EPHB6: variants seen among roughly 807,000 people sequenced by gnomAD.
EPHB6 encodes EPH receptor B6, also known as ephrin type-B receptor 6.
EPHB6 carries 51 observed loss-of-function variants against 107.0 expected under a neutral mutation model. The observed-to-expected ratio is 0.48, with a 90% CI of 0.38 to 0.60. The LOEUF (loss-of-function observed/expected upper bound fraction) is 0.60, where lower values mean the gene tolerates loss of function less well. EPHB6 is among the 20% of genes least tolerant of loss of function. EPHB6 has a pLI of 0.00. For synonymous variants in EPHB6, 553 were observed against 549.0 expected, an observed-to-expected ratio of 1.01 and a Z score of -0.10; for missense variants, 1,141 against 1,355.5, an observed-to-expected ratio of 0.84 and a Z score of 2.48.
Position 142,869,141 on chromosome 7 carries a change from T to C in EPHB6, c.2454T>C (p.Ser818=). Residue 818 remains serine (S), a synonymous_variant, in exon 16 of 20, where the codon AGT becomes AGC. Coordinates refer to ENST00000652003, the MANE Select transcript of EPHB6 (RefSeq NM_004445.6). This position sits in a 1 kb window ranked among gnomAD's most constrained non-coding sequence, Gnocchi z 4.5. The part of the protein sequence containing the change: ...LVCKVARLGH[S]PQGPSCLLRW... The stretch of plus-strand genomic sequence containing the variant: ...GCAAGGTGGCCCGTCTTGGCCACAG[T>C]CCTCAGGTGAGAGCACAGCCTTGGG... 1 of 1,612,842 alleles carries C rather than the reference T, an allele frequency of 6.2e-7. No individual in the cohort carries two copies. The highest frequency in any genetic ancestry group is 1.1e-5 in the South Asian group (1 of 91,076).
rs2116467543 is a variant in EPHB6 at position 142,868,356 on chromosome 7, G to A, written c.2034G>A (p.Gly678=). 2.5e-6 allele frequency: 4 copies of A among 1,614,152 alleles called. No homozygotes were observed. The highest frequency in any genetic ancestry group is 3.4e-6 in the Non-Finnish European group (4 of 1,180,010). Residue 678 remains glycine, a synonymous_variant, in exon 14 of 20, where the codon GGG becomes GGA. Coordinates refer to ENST00000652003, the MANE Select transcript of EPHB6 (RefSeq NM_004445.6). The surrounding 1 kb of genome is among the most constrained non-coding windows in gnomAD (Gnocchi z 4.2). ...PAYIKIEEVI[G]TGSFGEVRQG... ...ATATCAAGATTGAGGAGGTCATTGG[G>A]ACAGGTACAGCAGGGCCAAAGCAGG... is the stretch of plus-strand genomic sequence containing the variant.
chr7:142,869,405 C>G lies in EPHB6; in HGVS notation c.2460+258C>G, dbSNP rs1221505084. ...TCTAGAACTACCTCCTGCCCTTCCC[C>G]CATTGTGGAGATTACACAGACTCCA... is the stretch of plus-strand genomic sequence containing the variant. On this transcript the variant is annotated intron_variant, in intron 16 of 19. Transcript: ENST00000652003. The surrounding 1 kb of genome is among the most constrained non-coding windows in gnomAD (Gnocchi z 4.5). Among the ~76,000 whole-genome samples the G allele has an allele frequency of 1.3e-5, 2 of 152,268 alleles. No homozygotes were observed. Among genetic ancestry groups the G allele is most frequent in the South Asian group, 2.1e-4 (1 of 4,818 alleles).
rs1318896157 is a variant in EPHB6, at chr7:142,869,232, G to A, written c.2460+85G>A. The A allele has an allele frequency of 6.7e-7, 1 of 1,489,302 alleles. No individual in the cohort carries two copies. Among genetic ancestry groups the A allele is most frequent in the African/African-American group, 1.4e-5 (1 of 72,744 alleles). 92.3% of individuals were successfully genotyped at this position (1,489,302 alleles called of 1,614,324 possible). On this transcript the variant is annotated intron_variant, in intron 16 of 19. Coordinates refer to ENST00000652003, the MANE Select transcript of EPHB6 (RefSeq NM_004445.6). The surrounding 1 kb of genome is among the most constrained non-coding windows in gnomAD (Gnocchi z 4.5). ...GGGGTCGGGGGTGAGCTGGAATCTG[G>A]GGTAGGTACCTCAGCCGGGGTGTCA...
intron 5 of EPHB6, 46 bp downstream of exon 5, chr7:142,863,373 C>G (rs1299507889): frequency 6.4e-7 from 1 of 1,561,106 alleles, no homozygotes; most frequent in South Asian, 1.1e-5. Context: ...CCATAGAGAC[C>G]CAGTGAAAGG....
rs1794809147 is a variant in EPHB6, at chr7:142,869,778, CTA to C, written c.2461-37_2461-36del. On this transcript the variant is annotated intron_variant, in intron 16 of 19. Transcript: ENST00000652003. This position sits in a 1 kb window ranked among gnomAD's most constrained non-coding sequence, Gnocchi z 4.5. The stretch of plus-strand genomic sequence containing the variant: ...AGTTGCTCAATAAACGTGACTATTA[CTA>C]TGATTATTACTATTTGCTTTTGACT... 1.2e-6 allele frequency: 2 copies of C among 1,612,600 alleles called. No homozygotes were observed. Among genetic ancestry groups the C allele is most frequent in the Non-Finnish European group, 1.7e-6 (2 of 1,179,078 alleles).
chr7:142,859,257 G>C (rs1261393572), intron 1 of EPHB6, among the ~76,000 whole-genome samples: 1 of 152,172 alleles, frequency 6.6e-6, no homozygotes, highest in Non-Finnish European at 1.5e-5. Flanking sequence ...GAAATGTACT[G>C]GCCTGTCCCT....
Position 142,867,243 on chromosome 7 carries a change from G to A in EPHB6, c.1750+175G>A. ...ACCTAGGGGCTACTCGGGGAGGTGG[G>A]GAATTGTAGGGGTATGTATGCATGT... On this transcript the variant is annotated intron_variant, in intron 11 of 19. Coordinates refer to ENST00000652003, the MANE Select transcript of EPHB6 (RefSeq NM_004445.6). The surrounding 1 kb of genome is among the most constrained non-coding windows in gnomAD (Gnocchi z 5.3). 4.0e-6 allele frequency: 3 copies of A among 741,144 alleles called. No individual in the cohort carries two copies. The highest frequency in any genetic ancestry group is 3.7e-5 in the South Asian group (2 of 54,644). The allele number at this position is 741,144 out of a possible 1,614,324, so 45.9% of individuals were successfully genotyped here. A position where few individuals can be genotyped will look rare whatever the true frequency, so the allele number is the denominator to read the frequency against.
At position 142,866,561 on chromosome 7, in the gene EPHB6, A is replaced by T; in HGVS notation, c.1543A>T (p.Thr515Ser). Residue 515 changes from threonine to serine, a missense_variant, in exon 10 of 20, where the codon ACC becomes TCC. By Grantham distance (58) the Thr-to-Ser change is moderately conservative. Transcript: ENST00000652003. This position sits in a 1 kb window ranked among gnomAD's most constrained non-coding sequence, Gnocchi z 5.2. Reference sequence around the variant, plus strand: ...GGTGTCCTGGCCGCAGCCCGACCAGACCAATGGGAACATCCTGGACTATCA... The same window carrying T: ...GGTGTCCTGGCCGCAGCCCGACCAGTCCAATGGGAACATCCTGGACTATCA... ...ITVSWPQPDQTNGNILDYQLR... is the reference protein window; with the variant it reads ...ITVSWPQPDQSNGNILDYQLR... 1 of 1,614,114 alleles carries T rather than the reference A, an allele frequency of 6.2e-7. No homozygotes were observed.
Position 142,867,583 on chromosome 7 carries a change from G to A in EPHB6, c.1751-25G>A, listed in dbSNP as rs1405442665. The A allele has an allele frequency of 1.2e-5, 19 of 1,597,134 alleles. No individual in the cohort carries two copies. The highest frequency in any genetic ancestry group is 1.6e-5 in the Non-Finnish European group (19 of 1,170,718). On this transcript the variant is annotated intron_variant, in intron 11 of 19. Coordinates refer to ENST00000652003, the MANE Select transcript of EPHB6 (RefSeq NM_004445.6). The surrounding 1 kb of genome is among the most constrained non-coding windows in gnomAD (Gnocchi z 5.3). ...CACCTGTGAGAGACCTGGCCCACCT[G>A]TGACCCTGTCGGCTGGTCCCCCAGG...
intron 1 of EPHB6, among the ~76,000 whole-genome samples, chr7:142,860,511 T>C (rs567396952): frequency 7.2e-5 from 11 of 152,238 alleles, no homozygotes; most frequent in Non-Finnish European, 8.8e-5. Context: ...TTACAGAATT[T>C]AATAGCTATG....
In EPHB6 at chr7:142,866,656, G is replaced by A; in HGVS notation, c.1587+51G>A. 3 of 1,612,902 alleles carry A rather than the reference G, an allele frequency of 1.9e-6. No homozygotes were observed. Among genetic ancestry groups the A allele is most frequent in the Non-Finnish European group, 2.5e-6 (3 of 1,179,940 alleles). ...CAGTAGGGCTGGTAGGAGCTCATAG[G>A]CCTCACAGTGGGGCCCAGAGGTGAC... is the stretch of plus-strand genomic sequence containing the variant. On this transcript the variant is annotated intron_variant, in intron 10 of 19. Transcript: ENST00000652003. This position sits in a 1 kb window ranked among gnomAD's most constrained non-coding sequence, Gnocchi z 5.2.
rs747523180 is a variant in EPHB6 at position 142,867,744 on chromosome 7, A to G, written c.1865+22A>G. On this transcript the variant is annotated intron_variant, in intron 12 of 19. Coordinates refer to ENST00000652003, the MANE Select transcript of EPHB6 (RefSeq NM_004445.6). The surrounding 1 kb of genome is among the most constrained non-coding windows in gnomAD (Gnocchi z 5.3). ...AGCGGTGAGTCCCCACCCCTGCCCA[A>G]CTCTGCCCAGCACCATTAACTCCAC... 6.3e-6 allele frequency: 10 copies of G among 1,590,054 alleles called. No individual in the cohort carries two copies. In the Middle Eastern group the frequency reaches 7.1e-4, roughly 113 times the overall value.
intron 1 of EPHB6, among the ~76,000 whole-genome samples, chr7:142,857,414 A>G: frequency 6.6e-6 from 1 of 152,338 alleles, no homozygotes; most frequent in Middle Eastern, 3.4e-3. Context: ...GCACGAAGAG[A>G]TCTCCAAGGT....
intron 4 of EPHB6, 22 bp from the exon 5 acceptor site, chr7:142,863,105 C>A: frequency 5.3e-6 from 4 of 756,188 alleles, no homozygotes; most frequent in Non-Finnish European, 8.9e-6. Flanking sequence ...CCTGCCTCTT[C>A]TGGTCTTGTG....
At position 142,870,414 on chromosome 7, in the gene EPHB6, A is replaced by G. The variant is rs553139863; in HGVS notation, c.2804+7A>G. 3.7e-6 allele frequency: 6 copies of G among 1,613,980 alleles called. No homozygotes were observed. Among genetic ancestry groups the G allele is most frequent in the African/African-American group, 1.3e-5 (1 of 75,068 alleles). ...GCGGGGACCCAGGGGAAAGGTCTGG[A>G]GCTTGGGGCTAGAGCCTGGGAAAGC... On this transcript the variant is annotated splice_region_variant and intron_variant, in intron 18 of 19. Transcript: ENST00000652003.
chr7:142,870,664 A>G lies in EPHB6; in HGVS notation c.2939A>G (p.Asp980Gly). Residue 980 changes from aspartate (D) to glycine (G), a missense_variant, in exon 19 of 20, where the codon GAT (aspartate) becomes GGT (glycine). Coordinates refer to ENST00000652003, the MANE Select transcript of EPHB6 (RefSeq NM_004445.6). ...AAGTTTGGCCTCTGTACCTTCAGTG[A>G]TGTGGCTCAGCTCAGCCTAGAGTAA... ...FSKFGLCTFS[D>G]VAQLSLEDLP... 1.2e-6 allele frequency: 2 copies of G among 1,614,166 alleles called. No homozygotes were observed. Among genetic ancestry groups the G allele is most frequent in the Non-Finnish European group, 1.7e-6 (2 of 1,180,036 alleles).
rs1803001145 is a variant in EPHB6, at chr7:142,864,195, A to G, written c.395A>G (p.Tyr132Cys). Residue 132 changes from tyrosine (Y) to cysteine (C), a missense_variant, in exon 7 of 20, where the codon TAC becomes TGC. Transcript: ENST00000652003. Reference protein sequence around the residue: ...GTCRETFTLYYRQAEEPDSPD... With the variant: ...GTCRETFTLYCRQAEEPDSPD... ...TGCCGGGAGACCTTCACCCTTTACT[A>G]CCGTCAGGCTGAGGAGCCCGACAGC... The G allele has an allele frequency of 6.2e-7, 1 of 1,613,724 alleles. No homozygotes were observed. Among genetic ancestry groups the G allele is most frequent in the Non-Finnish European group, 8.5e-7 (1 of 1,180,012 alleles).
intron 7 of EPHB6, 77 bp downstream of exon 7, chr7:142,864,826 C>T (rs554406796): frequency 6.4e-7 from 1 of 1,551,998 alleles, no homozygotes; most frequent in African/African-American, 1.4e-5. Context: ...CTGAACACCC[C>T]AAAATTCATT....
intron 2 of EPHB6, 28 bp from the exon 3 acceptor site, chr7:142,861,989 A>G (rs1350069220): frequency 6.6e-6 from 1 of 152,258 alleles, no homozygotes; most frequent in Non-Finnish European, 1.5e-5. Flanking sequence ...CTAGTAGCTT[A>G]TACACAATAG....
Sources: gnomAD v4.1 joint callset for allele counts (sites outside exome capture counted in the v4.1 genomes callset) on GRCh38, gnomAD v4.1.1 for gene constraint, Gnocchi (gnomAD v3.1) non-coding constraint, MANE v1.5 for transcripts, NCBI Gene and HGNC (gene_info 2026-07-23, HGNC 2026-07-21) for gene names.